GNA14: variants seen among roughly 807,000 people sequenced by gnomAD.
GNA14 encodes guanine nucleotide-binding protein subunit alpha-14.
In GNA14, 50 loss-of-function variants were observed where a neutral mutation model predicts 42.0. The observed-to-expected ratio is 1.19, with a 90% CI of 0.95 to 1.51. The LOEUF (loss-of-function observed/expected upper bound fraction) is 1.51. GNA14 is among the 40% of genes most tolerant of loss of function. GNA14 has a pLI of 0.00. For missense variants in GNA14, 473 were observed against 446.2 expected, an observed-to-expected ratio of 1.06 and a Z score of -0.54; for synonymous variants, 173 against 163.1, an observed-to-expected ratio of 1.06 and a Z score of -0.46.
intron 1 of GNA14, among the ~76,000 whole-genome samples, chr9:77,598,041 AAAC>A (rs1294060428): frequency 1.3e-5 from 2 of 152,180 alleles, no homozygotes; most frequent in African/African-American, 4.8e-5. Context: ...TCCGTCTCAA[AAAC>A]AACAACAGAA....
chr9:77,456,333 C>G (rs1835999114), intron 2 of GNA14: 2 of 151,994 alleles, frequency 1.3e-5, no homozygotes, highest in Admixed American at 6.5e-5. Context: ...CTGTGCAACT[C>G]TCCAGACTAG....
At chr9:77,642,347 G>A (rs967611697) in intron 1 of GNA14, among the ~76,000 whole-genome samples, 1 of 152,184 alleles carries the variant, frequency 6.6e-6, no homozygotes, top group Admixed American at 6.5e-5. Context: ...GCTCCAGCCA[G>A]GATGAACAGA....
chr9:77,424,017 T>C lies in GNA14; in HGVS notation c.1030A>G (p.Ile344Val), dbSNP rs757128605. Residue 344 changes from isoleucine (I) to valine (V), a missense_variant, in exon 7 of 7, where the codon ATT (isoleucine) becomes GTT (valine). Coordinates refer to ENST00000341700, the MANE Select transcript of GNA14 (RefSeq NM_004297.4). ...RFVFAAVKDT[I>V]LQLNLREFNL... ...AATTCCCTTAGGTTTAGCTGTAGAA[T>C]TGTGTCTTTGACAGCAGCAAACACA... is the stretch of plus-strand genomic sequence containing the variant. 1.9e-6 allele frequency: 3 copies of C among 1,609,454 alleles called. No individual in the cohort carries two copies. Among genetic ancestry groups the C allele is most frequent in the African/African-American group, 1.3e-5 (1 of 74,926 alleles).
intron 2 of GNA14, among the ~76,000 whole-genome samples, chr9:77,526,990 T>G (rs1457497367): frequency 6.6e-6 from 1 of 152,204 alleles, no homozygotes; most frequent in Non-Finnish European, 1.5e-5. Flanking sequence ...CTAAGCTGAT[T>G]AGGTTTTACA....
chr9:77,426,373 C>T (rs1835453794), intron 5 of GNA14, among the ~76,000 whole-genome samples: 2 of 151,894 alleles, frequency 1.3e-5, no homozygotes, highest in African/African-American at 2.4e-5. Context: ...GGCGCGATCT[C>T]GGCTCACTAC....
chr9:77,424,138 GTC>G lies in GNA14; in HGVS notation c.907_908del (p.Asp303LeufsTer12). 1.9e-6 allele frequency: 3 copies of G among 1,611,588 alleles called. No homozygotes were observed. Among genetic ancestry groups the G allele is most frequent in the Non-Finnish European group, 2.5e-6 (3 of 1,178,874 alleles). ...GATCTTGGTAAAGCTTCAGGATAAA[GTC>G]TCTGGCAGCTCTGACATCCTGTTTC... ...GPKQDVRAAR[D>X]FILKLYQDQN... On this transcript the variant is annotated frameshift_variant, in exon 7 of 7. Coordinates refer to ENST00000341700, the MANE Select transcript of GNA14 (RefSeq NM_004297.4). LOFTEE classifies it high-confidence loss of function.
At chr9:77,589,551 C>T (rs1435074203) in intron 1 of GNA14, among the ~76,000 whole-genome samples, 1 of 152,148 alleles carries the variant, frequency 6.6e-6, no homozygotes, top group Non-Finnish European at 1.5e-5. Flanking sequence ...TTTACAGGTA[C>T]TGTGTTTGTT....
At chr9:77,534,557 T>A (rs946430459) in intron 1 of GNA14, among the ~76,000 whole-genome samples, 1 of 152,236 alleles carries the variant, frequency 6.6e-6, no homozygotes, top group Non-Finnish European at 1.5e-5. Flanking sequence ...TTGTGATGTG[T>A]TCTGAAACCA....
chr9:77,490,147 C>G (rs972980671), intron 2 of GNA14, among the ~76,000 whole-genome samples: 8 of 152,220 alleles, frequency 5.3e-5, no homozygotes, highest in African/African-American at 1.9e-4. Flanking sequence ...AATCCCTGAG[C>G]TAGACATAAA....
chr9:77,582,703 G>A (rs1823243470), intron 1 of GNA14, among the ~76,000 whole-genome samples: 1 of 152,140 alleles, frequency 6.6e-6, no homozygotes. Context: ...GACACCTCCT[G>A]TCATCGGTCT....
chr9:77,536,955 T>A (rs897909778), intron 1 of GNA14, among the ~76,000 whole-genome samples: 6 of 152,234 alleles, frequency 3.9e-5, no homozygotes, highest in African/African-American at 1.4e-4. Flanking sequence ...TGCATCTTTT[T>A]TATGGATACA....
chr9:77,484,113 G>T (rs1438816124), intron 2 of GNA14, among the ~76,000 whole-genome samples: 1 of 152,144 alleles, frequency 6.6e-6, no homozygotes, highest in Non-Finnish European at 1.5e-5. Context: ...TCAGAAAGAA[G>T]AAGAAATAAC....
intron 2 of GNA14, among the ~76,000 whole-genome samples, chr9:77,453,511 A>G (rs558774994): frequency 7.7e-4 from 118 of 152,392 alleles, no homozygotes; most frequent in Admixed American, 6.0e-3. Context: ...AAATACTGAC[A>G]AAATACAATG....
intron 1 of GNA14, among the ~76,000 whole-genome samples, chr9:77,542,380 G>A (rs1012386986): frequency 1.3e-5 from 2 of 152,172 alleles, no homozygotes; most frequent in Non-Finnish European, 2.9e-5. Context: ...GTTTTACTGG[G>A]GACTAAGATG....
chr9:77,424,762 G>A (rs1456421321), intron 6 of GNA14, among the ~76,000 whole-genome samples: 1 of 152,076 alleles, frequency 6.6e-6, no homozygotes, highest in East Asian at 1.9e-4. Context: ...AGTAATCCTG[G>A]CTAACACATA....
intron 1 of GNA14, among the ~76,000 whole-genome samples, chr9:77,575,077 A>C (rs980194465): frequency 6.6e-6 from 1 of 152,226 alleles, no homozygotes; most frequent in Non-Finnish European, 1.5e-5. Flanking sequence ...ACACAAGATA[A>C]TGATTTCACG....
At chr9:77,515,706 G>A (rs188919780) in intron 2 of GNA14, among the ~76,000 whole-genome samples, 60 of 152,150 alleles carry the variant, frequency 3.9e-4, no homozygotes, top group Middle Eastern at 6.8e-3. Flanking sequence ...GCTCACGTCA[G>A]TAATCCCAAC....
intron 2 of GNA14, among the ~76,000 whole-genome samples, chr9:77,475,768 T>G (rs747935619): frequency 6.6e-6 from 1 of 152,176 alleles, no homozygotes; most frequent in Non-Finnish European, 1.5e-5. Flanking sequence ...ACAAACCCCG[T>G]GCACCTAGGA....
chr9:77,446,518 G>A (rs1300156360), intron 2 of GNA14, among the ~76,000 whole-genome samples: 2 of 152,146 alleles, frequency 1.3e-5, no homozygotes, highest in Admixed American at 6.5e-5. Flanking sequence ...TCTGAGTGAG[G>A]GAATTCAGGC....
Sources: allele counts gnomAD v4.1 joint callset (sites outside exome capture counted in the v4.1 genomes callset), GRCh38; gene constraint gnomAD v4.1.1; transcripts MANE v1.5; gene names NCBI Gene and HGNC (gene_info 2026-07-23, HGNC 2026-07-21).